Variants in SEPTIN9 observed in about 807,000 individuals in gnomAD.
SEPTIN9 encodes the protein septin 9.
In SEPTIN9, 13 loss-of-function variants were observed where a neutral mutation model predicts 56.6. That is an observed-to-expected ratio of 0.23 (90% CI 0.15 to 0.37). SEPTIN9 has a LOEUF of 0.37. Ranked by LOEUF, SEPTIN9 falls within the 10% of genes least tolerant of loss-of-function variation. The pLI is 1.00. For missense variants in SEPTIN9, 650 were observed against 823.1 expected (o/e 0.79, Z 2.57); for synonymous variants, 332 against 334.1 (o/e 0.99, Z 0.07).
chr17:77,292,988 GCATTTATT>G lies in SEPTIN9; in HGVS notation c.19+11435_19+11442del, dbSNP rs1240253174. Among the ~76,000 whole-genome samples the G allele has an allele frequency of 4.0e-3, 593 of 147,818 alleles. 18 individuals are homozygous for G. In the East Asian group the frequency reaches 0.085, roughly 21 times the overall value. Reference sequence around the variant, plus strand: ...TAACCAGGAAATGGAAACCGCTTGAGCATTTATTTATTTATTTATTTATTTATTTATTT... The same window carrying G: ...TAACCAGGAAATGGAAACCGCTTGAGTATTTATTTATTTATTTATTTATTT... On this transcript the variant is annotated intron_variant, in intron 1 of 11. Transcript: ENST00000427177.
At chr17:77,432,398 C>T (rs1411893434) in intron 3 of SEPTIN9, among the ~76,000 whole-genome samples, 2 of 152,242 alleles carry the variant, frequency 1.3e-5, no homozygotes, top group Admixed American at 6.5e-5. Flanking sequence ...CTTCCCTCAG[C>T]AGGCTCTCAT....
chr17:77,485,247 G>GGTGTGGT (rs2039718611), intron 4 of SEPTIN9, among the ~76,000 whole-genome samples: 1 of 140,042 alleles, frequency 7.1e-6, no homozygotes. Context: ...TGGTGATTGT[G>GGTGTGGT]ATGGTGGTGA....
At chr17:77,469,916 T>C (rs1360880582) in intron 3 of SEPTIN9, among the ~76,000 whole-genome samples, 6 of 138,394 alleles carry the variant, frequency 4.3e-5, no homozygotes, top group Non-Finnish European at 6.3e-5. Context: ...TCCACTCATT[T>C]ACCCATCTAT....
Position 77,310,768 on chromosome 17 carries a change from G to A in SEPTIN9, c.76+3571G>A, listed in dbSNP as rs922184437. Reference sequence around the variant, plus strand: ...TTTTGCCCTGTTTCCCACGGTGCACGGAGCATTTCATCTCAGTGGTGCCTG... The same window carrying A: ...TTTTGCCCTGTTTCCCACGGTGCACAGAGCATTTCATCTCAGTGGTGCCTG... On this transcript the variant is annotated intron_variant, in intron 2 of 11. Coordinates refer to ENST00000427177, the MANE Select transcript of SEPTIN9 (RefSeq NM_001113491.2). The surrounding 1 kb of genome is among the most constrained non-coding windows in gnomAD (Gnocchi z 4.7). Among the ~76,000 whole-genome samples the A allele has an allele frequency of 1.3e-5, 2 of 152,114 alleles. No homozygotes were observed. Among genetic ancestry groups the A allele is most frequent in the Admixed American group, 6.5e-5 (1 of 15,276 alleles).
intron 8 of SEPTIN9, among the ~76,000 whole-genome samples, chr17:77,491,818 A>AG (rs1436436464): frequency 6.6e-6 from 1 of 150,972 alleles, no homozygotes; most frequent in African/African-American, 2.4e-5. Context: ...AAAAAAAAAA[A>AG]AAAAAAAAAG....
chr17:77,329,927 G>A lies in SEPTIN9; in HGVS notation c.76+22730G>A, dbSNP rs2033283579. Reference sequence around the variant, plus strand: ...AAGTGAGGTCTCCAGACTTGGGGTGGCTTCGGACTGGCCAGGCAGGTGGGT... The same window carrying A: ...AAGTGAGGTCTCCAGACTTGGGGTGACTTCGGACTGGCCAGGCAGGTGGGT... On this transcript the variant is annotated intron_variant, in intron 2 of 11. Coordinates refer to ENST00000427177, the MANE Select transcript of SEPTIN9 (RefSeq NM_001113491.2). The surrounding 1 kb of genome is among the most constrained non-coding windows in gnomAD (Gnocchi z 4.3). 1.3e-5 allele frequency among the ~76,000 whole-genome samples: 2 copies of A among 152,312 alleles called. No individual in the cohort carries two copies. Among genetic ancestry groups the A allele is most frequent in the Middle Eastern group, 3.4e-3 (1 of 294 alleles).
At chr17:77,404,609 G>T (rs935372129) in intron 3 of SEPTIN9, among the ~76,000 whole-genome samples, 13 of 152,156 alleles carry the variant, frequency 8.5e-5, no homozygotes, top group Non-Finnish European at 1.8e-4. Context: ...CTGGGAGGAT[G>T]TGGGGCCTGG....
In SEPTIN9 at chr17:77,367,037, T is replaced by C. The variant is rs1315132751; in HGVS notation, c.77-35022T>C. ...GGAAGTCTGGGGAACAGATTGGTCATGTGCTTCTTTGAGTGAAACCTTATG... is the reference window on the plus strand; with the variant it reads ...GGAAGTCTGGGGAACAGATTGGTCACGTGCTTCTTTGAGTGAAACCTTATG... On this transcript the variant is annotated intron_variant, in intron 2 of 11. Coordinates refer to ENST00000427177, the MANE Select transcript of SEPTIN9 (RefSeq NM_001113491.2). The surrounding 1 kb of genome is among the most constrained non-coding windows in gnomAD (Gnocchi z 4.5). Among the ~76,000 whole-genome samples the C allele has an allele frequency of 2.0e-5, 3 of 152,206 alleles. No individual in the cohort carries two copies. Among genetic ancestry groups the C allele is most frequent in the Non-Finnish European group, 4.4e-5 (3 of 68,024 alleles).
intron 3 of SEPTIN9, among the ~76,000 whole-genome samples, chr17:77,478,824 T>C (rs200495788): frequency 8.4e-6 from 1 of 119,396 alleles, no homozygotes; most frequent in South Asian, 2.6e-4. Context: ...AAAAAAAGGG[T>C]GGAACATACA....
chr17:77,452,382 G>A (rs773390197), intron 3 of SEPTIN9, among the ~76,000 whole-genome samples: 1 of 152,226 alleles, frequency 6.6e-6, no homozygotes, highest in East Asian at 1.9e-4. Flanking sequence ...CTCCTGAAAC[G>A]CCGTCCCAGT....
intron 1 of SEPTIN9, among the ~76,000 whole-genome samples, chr17:77,305,036 A>G (rs2032205552): frequency 6.6e-6 from 1 of 152,004 alleles, no homozygotes; most frequent in Admixed American, 6.5e-5. Context: ...TCCTGGTCTT[A>G]AGGAGGCTGT....
intron 4 of SEPTIN9, among the ~76,000 whole-genome samples, chr17:77,486,514 GTGTGTGTGCGCGCA>G (rs1471310239): frequency 1.2e-3 from 117 of 96,980 alleles, no homozygotes; most frequent in African/African-American, 7.1e-3. Context: ...GTGTGTGTGT[GTGTGTGTGCGCGCA>G]CGCGCGCGCG....
chr17:77,321,468 C>T (rs1477743473), intron 2 of SEPTIN9, among the ~76,000 whole-genome samples: 2 of 151,406 alleles, frequency 1.3e-5, no homozygotes, highest in Non-Finnish European at 2.9e-5. Flanking sequence ...GGCGCGATCT[C>T]AGCTCACTGC....
Position 77,488,316 on chromosome 17 carries a change from G to A in SEPTIN9, c.1119G>A (p.Glu373=), listed in dbSNP as rs770582262. ...GGTTCGGGGACCACATCAACAACGA[G>A]AACTGGTGAGGCCCCTCCAGGGGGA... ...TPGFGDHINN[E]NCWQPIMKFI... The change falls in exon 6 of 12, where the codon GAG becomes GAA. Residue 373 remains glutamate, a synonymous_variant. Transcript: ENST00000427177. 6.2e-7 allele frequency: 1 copy of A among 1,613,228 alleles called. No homozygotes were observed. Among genetic ancestry groups the A allele is most frequent in the South Asian group, 1.1e-5 (1 of 91,078 alleles).
chr17:77,316,412 C>T (rs933057453), intron 2 of SEPTIN9, among the ~76,000 whole-genome samples: 1 of 152,192 alleles, frequency 6.6e-6, no homozygotes, highest in African/African-American at 2.4e-5. Flanking sequence ...TTTTCAGGCA[C>T]GGAGGGGAGA....
At position 77,450,764 on chromosome 17, in the gene SEPTIN9, G is replaced by A; in HGVS notation, c.722-31380G>A. The A allele has an allele frequency of 1.3e-5, 13 of 985,982 alleles. No homozygotes were observed. The highest frequency in any genetic ancestry group is 1.1e-4 in the East Asian group (1 of 8,822). The allele number at this position is 985,982 out of a possible 1,614,324, so 61.1% of individuals were successfully genotyped here. On this transcript the variant is annotated intron_variant, in intron 3 of 11. Coordinates refer to ENST00000427177, the MANE Select transcript of SEPTIN9 (RefSeq NM_001113491.2). The surrounding 1 kb of genome is among the most constrained non-coding windows in gnomAD (Gnocchi z 6.0). ...GAGCTGGATCAGATCTGAATCCAGA[G>A]GCTCTCGGAGGAAGAGCTCAGGGTG...
In SEPTIN9 at chr17:77,492,508, C is replaced by T. The variant is rs890695900; in HGVS notation, c.1381-113C>T. 2.1e-6 allele frequency: 2 copies of T among 931,790 alleles called. No homozygotes were observed. The highest frequency in any genetic ancestry group is 4.8e-5 in the East Asian group (2 of 41,464). 57.7% of individuals were successfully genotyped at this position (931,790 alleles called of 1,614,324 possible). On this transcript the variant is annotated intron_variant, in intron 8 of 11. Transcript: ENST00000427177. The surrounding 1 kb of genome is among the most constrained non-coding windows in gnomAD (Gnocchi z 5.4). ...TGGTGTCACAGCCCCCCAGAGCCTG[C>T]CCTTGAACCCGAGCCTGGGGCAGCA...
rs1033477088 is a variant in SEPTIN9, at chr17:77,437,131, G to T, written c.721+34428G>T. Among the ~76,000 whole-genome samples, 1 of 152,228 alleles carries T rather than the reference G, an allele frequency of 6.6e-6. No homozygotes were observed. Among genetic ancestry groups the T allele is most frequent in the Admixed American group, 6.5e-5 (1 of 15,284 alleles). ...CCATTCGGTTGGCATCAGCATCCCT[G>T]CCTTGACACCCCCGTGTGGCAGCTG... is the stretch of plus-strand genomic sequence containing the variant. On this transcript the variant is annotated intron_variant, in intron 3 of 11. Coordinates refer to ENST00000427177, the MANE Select transcript of SEPTIN9 (RefSeq NM_001113491.2). The surrounding 1 kb of genome is among the most constrained non-coding windows in gnomAD (Gnocchi z 5.3).
intron 2 of SEPTIN9, among the ~76,000 whole-genome samples, chr17:77,381,441 G>A (rs1404597324): frequency 6.6e-6 from 1 of 151,758 alleles, no homozygotes; most frequent in East Asian, 1.9e-4. Context: ...CTGGTTCCAA[G>A]CAGGGACCCT....
Sources: allele counts gnomAD v4.1 joint callset (sites outside exome capture counted in the v4.1 genomes callset), GRCh38; gene constraint gnomAD v4.1.1; non-coding constraint Gnocchi (gnomAD v3.1); transcripts MANE v1.5; gene names NCBI Gene and HGNC (gene_info 2026-07-23, HGNC 2026-07-21).